The following FBXW4 variants were observed in gnomAD, a reference collection of about 807,000 sequenced individuals.
The protein encoded by FBXW4 is F-box and WD repeat domain containing 4, also known as F-box/WD repeat-containing protein 4.
FBXW4 carries 40 observed loss-of-function variants against 61.8 expected under a neutral mutation model. That is an observed-to-expected ratio of 0.65 (90% CI 0.50 to 0.84). FBXW4 has a LOEUF of 0.84. FBXW4 is among the 40% of genes least tolerant of loss of function. The pLI, the probability that FBXW4 is intolerant of heterozygous loss-of-function variation, is 0.00. For missense variants in FBXW4, 672 were observed against 753.8 expected, an observed-to-expected ratio of 0.89 and a Z score of 1.27; for synonymous variants, 311 against 313.8, an observed-to-expected ratio of 0.99 and a Z score of 0.10.
At chr10:101,678,742 A>G (rs2064443146) in intron 1 of FBXW4, among the ~76,000 whole-genome samples, 1 of 152,168 alleles carries the variant, frequency 6.6e-6, no homozygotes, top group Non-Finnish European at 1.5e-5. Context: ...ACACTCATTT[A>G]TTCGAGCCTC....
intron 5 of FBXW4, among the ~76,000 whole-genome samples, chr10:101,631,348 T>C (rs2063954621): frequency 6.6e-6 from 1 of 152,176 alleles, no homozygotes; most frequent in African/African-American, 2.4e-5. Context: ...TGGAATATTA[T>C]ACAGTCCTTT....
In FBXW4 at chr10:101,673,485, T is replaced by C. The variant is rs770623829; in HGVS notation, c.1007+3A>G. 7 of 1,613,792 alleles carry C rather than the reference T, an allele frequency of 4.3e-6. 1 individual carries two copies. The South Asian group carries it at 7.7e-5, about 18-fold the overall frequency. On this transcript the variant is annotated splice_donor_region_variant and intron_variant, in intron 3 of 8. Coordinates refer to ENST00000331272, the MANE Select transcript of FBXW4 (RefSeq NM_022039.4). ...GGTGGAAGGAGAAACCTATAGCACTTACCCTCCTGCACTAACAATATGCGA... is the reference window on the plus strand; with the variant it reads ...GGTGGAAGGAGAAACCTATAGCACTCACCCTCCTGCACTAACAATATGCGA...
chr10:101,664,715 C>T (rs1382563467), intron 5 of FBXW4, among the ~76,000 whole-genome samples: 1 of 152,160 alleles, frequency 6.6e-6, no homozygotes, highest in African/African-American at 2.4e-5. Context: ...AAATGCTACA[C>T]CAGGCAAGAA....
rs1329860991 is a variant in FBXW4 at position 101,611,807 on chromosome 10, T to A, written c.1443-38A>T. 6.3e-7 allele frequency: 1 copy of A among 1,598,422 alleles called. No homozygotes were observed. The highest frequency in any genetic ancestry group is 8.5e-7 in the Non-Finnish European group (1 of 1,170,288). On this transcript the variant is annotated intron_variant, in intron 7 of 8. Coordinates refer to ENST00000331272, the MANE Select transcript of FBXW4 (RefSeq NM_022039.4). This position sits in a 1 kb window ranked among gnomAD's most constrained non-coding sequence, Gnocchi z 4.9. ...AGGAGAAGCAGAGGGAGGTTTAGGGTACCCTCCACCTCTACCCCAGCTTTC... is the reference window on the plus strand; with the variant it reads ...AGGAGAAGCAGAGGGAGGTTTAGGGAACCCTCCACCTCTACCCCAGCTTTC...
rs144777520 is a variant in FBXW4, at chr10:101,675,047, G to A, written c.821+1294C>T. On this transcript the variant is annotated intron_variant, in intron 2 of 8. Transcript: ENST00000331272. ...TGGGCTGTGTTTCTTCCCCAGACTC[G>A]TACAAGTGTCATGGGAATGTGGAAA... Among the ~76,000 whole-genome samples, 448 of 152,276 alleles carry A rather than the reference G, an allele frequency of 2.9e-3. 1 individual carries two copies. Among genetic ancestry groups the A allele is most frequent in the African/African-American group, 0.01 (418 of 41,548 alleles).
chr10:101,623,507 G>A (rs1281294841), intron 6 of FBXW4, among the ~76,000 whole-genome samples: 2 of 152,164 alleles, frequency 1.3e-5, no homozygotes, highest in African/African-American at 4.8e-5. Flanking sequence ...AAATGATAAA[G>A]ATACTCCAAA....
chr10:101,619,092 A>C (rs2134807626), intron 6 of FBXW4, among the ~76,000 whole-genome samples: 1 of 152,060 alleles, frequency 6.6e-6, no homozygotes, highest in African/African-American at 2.4e-5. Context: ...ATTCCTCCAA[A>C]CTCCAGGCTC....
chr10:101,651,895 C>T (rs983373352), intron 5 of FBXW4, among the ~76,000 whole-genome samples: 1 of 152,040 alleles, frequency 6.6e-6, no homozygotes, highest in Non-Finnish European at 1.5e-5. Flanking sequence ...AAGGGGGCCG[C>T]GGCCCTCTCC....
intron 5 of FBXW4, chr10:101,626,599 C>T (rs561126582): frequency 6.6e-6 from 1 of 152,434 alleles, no homozygotes; most frequent in South Asian, 2.1e-4. Context: ...AAGCAGTTCC[C>T]CTGCCTCAGC....
intron 6 of FBXW4, among the ~76,000 whole-genome samples, chr10:101,615,955 C>T (rs940560795): frequency 3.3e-5 from 5 of 152,200 alleles, no homozygotes; most frequent in African/African-American, 7.2e-5. Flanking sequence ...ACCTCCTCCA[C>T]CTCCCAACCC....
intron 6 of FBXW4, among the ~76,000 whole-genome samples, chr10:101,618,670 A>C (rs1008043446): frequency 3.9e-5 from 6 of 152,120 alleles, no homozygotes; most frequent in Non-Finnish European, 8.8e-5. Context: ...TCAATACCCT[A>C]GGAGCAGCCA....
intron 5 of FBXW4, among the ~76,000 whole-genome samples, chr10:101,632,320 C>T (rs2063965402): frequency 6.6e-6 from 1 of 152,166 alleles, no homozygotes; most frequent in Admixed American, 6.5e-5. Flanking sequence ...GGCTGGAGCT[C>T]TTACTGCTTG....
At chr10:101,612,520 C>A in intron 6 of FBXW4, 43 bp from the exon 7 acceptor site, 3 of 1,478,474 alleles carry the variant, frequency 2.0e-6, no homozygotes, top group South Asian at 3.0e-5. Context: ...CCACGTGGGT[C>A]ATACACATTC....
intron 5 of FBXW4, among the ~76,000 whole-genome samples, chr10:101,631,863 G>A (rs1589748680): frequency 6.6e-6 from 1 of 152,278 alleles, no homozygotes. Flanking sequence ...TCCTGACCTT[G>A]TGATCCACCC....
At chr10:101,616,417 G>A (rs571736357) in intron 6 of FBXW4, among the ~76,000 whole-genome samples, 8 of 152,212 alleles carry the variant, frequency 5.3e-5, no homozygotes, top group Non-Finnish European at 1.2e-4. Flanking sequence ...TGCCTTCAAG[G>A]AGTATTCAAT....
chr10:101,631,633 T>TC (rs1314968993), intron 5 of FBXW4, among the ~76,000 whole-genome samples: 1 of 151,100 alleles, frequency 6.6e-6, no homozygotes, highest in African/African-American at 2.4e-5. Flanking sequence ...TATTTACTTT[T>TC]TTTTTTTTTT....
intron 5 of FBXW4, among the ~76,000 whole-genome samples, chr10:101,627,219 G>C (rs1233217732): frequency 6.6e-6 from 1 of 152,032 alleles, no homozygotes; most frequent in Non-Finnish European, 1.5e-5. Context: ...TAACTGCCTA[G>C]ATGTGACATC....
At position 101,694,617 on chromosome 10, in the gene FBXW4, C is replaced by CTCCTCCTCT; in HGVS notation, c.488_489insAGAGGAGGA (p.Glu166_Glu168dup). On this transcript the variant is annotated inframe_insertion, in exon 1 of 9. Coordinates refer to ENST00000331272, the MANE Select transcript of FBXW4 (RefSeq NM_022039.4). The surrounding 1 kb of genome is among the most constrained non-coding windows in gnomAD (Gnocchi z 6.0). The stretch of plus-strand genomic sequence containing the variant: ...CCCGAGCCGCCTCCTCCTCCTCCTC[C>CTCCTCCTCT]TCCTCCCCGGCCGCCGCCGCCATGG... 7.0e-7 allele frequency: 1 copy of CTCCTCCTCT among 1,435,908 alleles called. No individual in the cohort carries two copies. The highest frequency in any genetic ancestry group is 9.1e-7 in the Non-Finnish European group (1 of 1,104,636). 88.9% of individuals were successfully genotyped at this position (1,435,908 alleles called of 1,614,324 possible). A position where few individuals can be genotyped will look rare whatever the true frequency, so the allele number is the denominator to read the frequency against.
Position 101,611,047 on chromosome 10 carries a change from G to A in FBXW4, c.*244C>T, listed in dbSNP as rs2063776841. The A allele has an allele frequency of 1.2e-5, 5 of 434,158 alleles. No individual in the cohort carries two copies. Among genetic ancestry groups the A allele is most frequent in the African/African-American group, 8.0e-5 (4 of 49,976 alleles). The allele number at this position is 434,158 out of a possible 1,614,324, so 26.9% of individuals were successfully genotyped here. A position where few individuals can be genotyped will look rare whatever the true frequency, so the allele number is the denominator to read the frequency against. Reference sequence around the variant, plus strand: ...GGCCAAACAGGGACGCAAGGCCCGGGTTCAGCCGCACTCTAAAGCAGCAGG... The same window carrying A: ...GGCCAAACAGGGACGCAAGGCCCGGATTCAGCCGCACTCTAAAGCAGCAGG... On this transcript the variant is annotated 3_prime_UTR_variant, in exon 9 of 9. Transcript: ENST00000331272. This position sits in a 1 kb window ranked among gnomAD's most constrained non-coding sequence, Gnocchi z 4.9.
Sources: gnomAD v4.1 joint callset for allele counts (sites outside exome capture counted in the v4.1 genomes callset) on GRCh38, gnomAD v4.1.1 for gene constraint, Gnocchi (gnomAD v3.1) non-coding constraint, MANE v1.5 for transcripts, NCBI Gene and HGNC (gene_info 2026-07-23, HGNC 2026-07-21) for gene names.